The following PLA2G4D variants were observed in gnomAD, a reference collection of about 807,000 sequenced individuals.
The protein encoded by PLA2G4D is cytosolic phospholipase A2 delta.
Under a neutral mutation model 94.4 loss-of-function variants are expected in PLA2G4D, and 80 were observed. That is an observed-to-expected ratio of 0.85 (90% CI 0.71 to 1.02). The LOEUF (loss-of-function observed/expected upper bound fraction) is 1.02, where lower values mean the gene tolerates loss of function less well. PLA2G4D is among the 50% of genes least tolerant of loss of function. The probability of loss-of-function intolerance (pLI) is 0.00; values close to 1 mark genes in which losing one functional copy is unlikely to be tolerated. For synonymous variants in PLA2G4D, 438 were observed against 440.9 expected (o/e 0.99, Z 0.08); for missense variants, 1,050 against 1,034.7 (o/e 1.01, Z -0.20).
chr15:42,086,194 T>TGGGGGGGGGCCG lies in PLA2G4D; in HGVS notation c.387+18_387+19insCGGCCCCCCCCC. 2.2e-6 allele frequency: 3 copies of TGGGGGGGGGCCG among 1,370,442 alleles called. No individual in the cohort carries two copies. The highest frequency in any genetic ancestry group is 2.9e-6 in the Non-Finnish European group (3 of 1,043,082). 84.9% of individuals were successfully genotyped at this position (1,370,442 alleles called of 1,614,324 possible). On this transcript the variant is annotated intron_variant, in intron 4 of 19. Coordinates refer to ENST00000290472, the MANE Select transcript of PLA2G4D (RefSeq NM_178034.4). ...GGAAGAAGTGGGGCCCACGGGGACT[T>TGGGGGGGGGCCG]CCCCACCCACCCACCCACCTGGGGA... is the stretch of plus-strand genomic sequence containing the variant.
intron 1 of PLA2G4D, among the ~76,000 whole-genome samples, chr15:42,088,839 C>T (rs947148300): frequency 6.6e-6 from 1 of 152,110 alleles, no homozygotes; most frequent in Non-Finnish European, 1.5e-5. Context: ...GTGGGAGCCC[C>T]AGCCAGGAGG....
chr15:42,083,272 A>T lies in PLA2G4D; in HGVS notation c.598T>A (p.Phe200Ile). The change falls in exon 8 of 20, where the codon TTC (phenylalanine) becomes ATC (isoleucine). Residue 200 changes from phenylalanine (F) to isoleucine (I), a missense_variant. Phe to Ile is a conservative substitution (Grantham distance 21). Transcript: ENST00000290472. ...KGSYEDTQTS[F>I]LGTASAFRFH... is the part of the protein sequence containing the mutation. ...CGGAAGGCAGAGGCTGTGCCCAGGA[A>T]GGATGTCTGTGTGTCCTCATAGGAC... 1 of 1,614,148 alleles carries T rather than the reference A, an allele frequency of 6.2e-7. No homozygotes were observed.
Position 42,067,424 on chromosome 15 carries a change from C to T in PLA2G4D, c.*1291G>A, listed in dbSNP as rs530600198. 2.0e-5 allele frequency: 3 copies of T among 151,686 alleles called. No homozygotes were observed. Among genetic ancestry groups the T allele is most frequent in the Admixed American group, 2.0e-4 (3 of 15,260 alleles). The allele number at this position is 151,686 out of a possible 1,614,324, so 9.4% of individuals were successfully genotyped here. A position where few individuals can be genotyped will look rare whatever the true frequency, so the allele number is the denominator to read the frequency against. On this transcript the variant is annotated 3_prime_UTR_variant, in exon 20 of 20. Transcript: ENST00000290472. ...AGTATGGTGTTACATGCCTGTAGTC[C>T]CAGCTACTTGGGAGGCTGAAGTGGA... is the stretch of plus-strand genomic sequence containing the variant.
intron 3 of PLA2G4D, 46 bp downstream of exon 3, chr15:42,087,254 G>A (rs199519733): frequency 1.2e-6 from 2 of 1,612,554 alleles, no homozygotes; most frequent in Non-Finnish European, 1.7e-6. Flanking sequence ...TTGCATGGGG[G>A]TCCAGCCCGT....
intron 2 of PLA2G4D, 90 bp downstream of exon 2, chr15:42,087,537 AC>A: frequency 1.2e-6 from 2 of 1,602,536 alleles, no homozygotes; most frequent in Non-Finnish European, 1.7e-6. Flanking sequence ...ACCGCAGGTG[AC>A]CCAGCCCAGC....
At chr15:42,074,623 A>G (rs1194027630) in intron 13 of PLA2G4D, among the ~76,000 whole-genome samples, 1 of 152,252 alleles carries the variant, frequency 6.6e-6, no homozygotes, top group Non-Finnish European at 1.5e-5. Flanking sequence ...CATTCTGAGC[A>G]AAGTTTCAGG....
In PLA2G4D at chr15:42,083,277, G is replaced by A. The variant is rs1890076974; in HGVS notation, c.593C>T (p.Thr198Ile). Residue 198 changes from threonine (T) to isoleucine (I), a missense_variant, in exon 8 of 20, where the codon ACA becomes ATA. Coordinates refer to ENST00000290472, the MANE Select transcript of PLA2G4D (RefSeq NM_178034.4). ...GGCAGAGGCTGTGCCCAGGAAGGAT[G>A]TCTGTGTGTCCTCATAGGACCCCTT... is the stretch of plus-strand genomic sequence containing the variant. ...VLKGSYEDTQ[T>I]SFLGTASAFR... The A allele has an allele frequency of 1.2e-6, 2 of 1,614,026 alleles. No individual in the cohort carries two copies. The highest frequency in any genetic ancestry group is 1.3e-5 in the African/African-American group (1 of 74,932).
intron 1 of PLA2G4D, among the ~76,000 whole-genome samples, chr15:42,093,559 C>T (rs947532263): frequency 6.6e-6 from 1 of 152,140 alleles, no homozygotes; most frequent in Non-Finnish European, 1.5e-5. Context: ...GTGGGTGGAT[C>T]CACCTGACCT....
At position 42,087,238 on chromosome 15, in the gene PLA2G4D, G is replaced by A; in HGVS notation, c.255+62C>T. 2.5e-6 allele frequency: 4 copies of A among 1,604,642 alleles called. No homozygotes were observed. The South Asian group carries it at 4.4e-5, about 18-fold the overall frequency. Reference sequence around the variant, plus strand: ...CCAGAGGAAGCATGCTCTACCCCAGGAACCCTTGCATGGGGGTCCAGCCCG... The same window carrying A: ...CCAGAGGAAGCATGCTCTACCCCAGAAACCCTTGCATGGGGGTCCAGCCCG... On this transcript the variant is annotated intron_variant, in intron 3 of 19. Coordinates refer to ENST00000290472, the MANE Select transcript of PLA2G4D (RefSeq NM_178034.4).
At chr15:42,087,778 A>T (rs1890180396) in intron 1 of PLA2G4D, 78 bp from the exon 2 acceptor site, 6 of 1,413,436 alleles carry the variant, frequency 4.2e-6, no homozygotes, top group Non-Finnish European at 5.9e-6. Flanking sequence ...GGCTGCCGAC[A>T]CCCCTCACCA....
Position 42,071,323 on chromosome 15 carries a change from G to A in PLA2G4D, c.1682-6C>T. 2.5e-6 allele frequency: 4 copies of A among 1,575,244 alleles called. 1 individual carries two copies. The South Asian group carries it at 4.7e-5, about 18-fold the overall frequency. Reference sequence around the variant, plus strand: ...GGTGGTCAGGGGCTCCTTCTCTGAAGCCAGAGAAACAGAAATTGGTCCCTT... The same window carrying A: ...GGTGGTCAGGGGCTCCTTCTCTGAAACCAGAGAAACAGAAATTGGTCCCTT... On this transcript the variant is annotated splice_polypyrimidine_tract_variant and splice_region_variant and intron_variant, in intron 16 of 19. Coordinates refer to ENST00000290472, the MANE Select transcript of PLA2G4D (RefSeq NM_178034.4).
intron 1 of PLA2G4D, among the ~76,000 whole-genome samples, chr15:42,089,963 C>T (rs1890220810): frequency 6.6e-6 from 1 of 152,200 alleles, no homozygotes; most frequent in Non-Finnish European, 1.5e-5. Context: ...GGTTATTTTC[C>T]CTAGAGAAAA....
chr15:42,073,617 C>T (rs1403513775), intron 13 of PLA2G4D, among the ~76,000 whole-genome samples: 1 of 152,194 alleles, frequency 6.6e-6, no homozygotes, highest in East Asian at 1.9e-4. Flanking sequence ...TCCCAACCTG[C>T]CGCAGCAGCC....
chr15:42,083,898 T>C lies in PLA2G4D; in HGVS notation c.472-119A>G, dbSNP rs576715841. 2.6e-4 allele frequency: 263 copies of C among 995,202 alleles called. 3 individuals carry two copies. The Middle Eastern group carries it at 6.0e-3, about 23-fold the overall frequency. The allele number at this position is 995,202 out of a possible 1,614,324, so 61.6% of individuals were successfully genotyped here. A position where few individuals can be genotyped will look rare whatever the true frequency, so the allele number is the denominator to read the frequency against. On this transcript the variant is annotated intron_variant, in intron 6 of 19. Transcript: ENST00000290472. ...CACACACACAAGGAGTTGTGTGGGC[T>C]CAGGATGGGATTGGCTGCAGAGGCC...
At chr15:42,069,208 C>T (rs996300642) in intron 19 of PLA2G4D, among the ~76,000 whole-genome samples, 10 of 152,184 alleles carry the variant, frequency 6.6e-5, no homozygotes, top group African/African-American at 2.2e-4. Flanking sequence ...CTCTACATCG[C>T]TTCGAGGCAA....
chr15:42,088,493 C>T (rs1275268499), intron 1 of PLA2G4D, among the ~76,000 whole-genome samples: 1 of 152,220 alleles, frequency 6.6e-6, no homozygotes, highest in Non-Finnish European at 1.5e-5. Flanking sequence ...CCACACCCTA[C>T]TGCTGAGGTC....
chr15:42,080,630 C>A (rs1456015611), intron 12 of PLA2G4D, among the ~76,000 whole-genome samples: 17 of 152,166 alleles, frequency 1.1e-4, no homozygotes, highest in Admixed American at 1.1e-3. Context: ...TCCCCACACC[C>A]CAGTCCCACG....
At chr15:42,074,535 A>T (rs1220143423) in intron 13 of PLA2G4D, among the ~76,000 whole-genome samples, 1 of 152,224 alleles carries the variant, frequency 6.6e-6, no homozygotes, top group African/African-American at 2.4e-5. Context: ...AGAAGCACTG[A>T]TTATAGCTAG....
rs1889737128 is a variant in PLA2G4D, at chr15:42,068,771, T to C, written c.2401A>G (p.Arg801Gly). The C allele has an allele frequency of 8.1e-6, 13 of 1,613,060 alleles. No individual in the cohort carries two copies. The highest frequency in any genetic ancestry group is 1.1e-5 in the Non-Finnish European group (13 of 1,179,560). ...AGAGTCCGGTGCTTCAGCGCGGTCC[T>C]CAGGGCCTGCAGGATGGCACCCTGG... ...TSQGAILQAL[R>G]TALKHRTLEA... The change falls in exon 20 of 20, where the codon AGG (arginine) becomes GGG (glycine). Residue 801 changes from arginine (R) to glycine (G), a missense_variant. By Grantham distance (125) the Arg-to-Gly change is moderately radical. Transcript: ENST00000290472.
Sources: allele counts gnomAD v4.1 joint callset (sites outside exome capture counted in the v4.1 genomes callset), GRCh38; gene constraint gnomAD v4.1.1; transcripts MANE v1.5; gene names NCBI Gene and HGNC (gene_info 2026-07-23, HGNC 2026-07-21).